The following DMD variants were observed in gnomAD, a reference collection of about 807,000 sequenced individuals.
The protein encoded by DMD is dystrophin, also known as mutant dystrophin.
A neutral mutation model predicts 330.1 loss-of-function variants in DMD; 63 were observed. The observed-to-expected ratio is 0.19, with a 90% confidence interval of 0.16 to 0.24. The LOEUF is 0.24. DMD is among the 10% of genes least tolerant of loss of function. The pLI, the probability that DMD is intolerant of heterozygous loss-of-function variation, is 1.00. For synonymous variants in DMD, 1,223 were observed against 959.8 expected (o/e 1.27, Z -5.07); for missense variants, 3,344 against 2,684.1 (o/e 1.25, Z -5.43).
At chrX:31,386,530 T>C (rs2060455537) in intron 60 of DMD, among the ~76,000 whole-genome samples, 1 of 112,074 alleles carries the variant, frequency 8.9e-6, no homozygotes, top group Non-Finnish European at 1.9e-5. Context: ...TTTAATGCCT[T>C]ACCTCATTTA....
chrX:32,006,500 C>T (rs896965058), intron 44 of DMD, among the ~76,000 whole-genome samples: 2 of 111,384 alleles, frequency 1.8e-5, no homozygotes, highest in Non-Finnish European at 3.8e-5. Context: ...TTTATAGGGC[C>T]TTTTGATTAA....
chrX:31,512,316 T>C (rs1216892279), intron 55 of DMD, among the ~76,000 whole-genome samples: 1 of 107,333 alleles, frequency 9.3e-6, no homozygotes, highest in African/African-American at 3.4e-5. Flanking sequence ...TTTCTTTTGC[T>C]GTGCAGAAGC....
chrX:33,142,208 C>T (rs1046913570), intron 1 of DMD, among the ~76,000 whole-genome samples: 4 of 112,166 alleles, frequency 3.6e-5, no homozygotes, highest in African/African-American at 1.3e-4. Context: ...GTCTCAGCCT[C>T]CCAAGTAGCT....
At chrX:31,556,624 A>T (rs1254369409) in intron 55 of DMD, among the ~76,000 whole-genome samples, 2 of 110,700 alleles carry the variant, frequency 1.8e-5, no homozygotes, top group African/African-American at 3.3e-5. Context: ...GATCAAAGAA[A>T]TGTTGAATTA....
At chrX:32,166,832 A>C (rs1430196007) in intron 44 of DMD, among the ~76,000 whole-genome samples, 1 of 112,236 alleles carries the variant, frequency 8.9e-6, no homozygotes, top group East Asian at 2.8e-4. Context: ...GGAAAAAGAA[A>C]ACTTGCTCCT....
chrX:31,819,962 C>T lies in DMD; in HGVS notation c.7309+13G>A. Reference sequence around the variant, plus strand: ...TAGCTAGAGCCAAAGAGAATGGGATCCAGTATACTTACAGGCTCCAATAGT... The same window carrying T: ...TAGCTAGAGCCAAAGAGAATGGGATTCAGTATACTTACAGGCTCCAATAGT... On this transcript the variant is annotated intron_variant, in intron 50 of 78. Transcript: ENST00000357033. The T allele has an allele frequency of 8.5e-7, 1 of 1,182,933 alleles. No individual in the cohort carries two copies. The highest frequency in any genetic ancestry group is 1.2e-6 in the Non-Finnish European group (1 of 869,046).
At chrX:32,393,430 C>A (rs991988605) in intron 30 of DMD, among the ~76,000 whole-genome samples, 1 of 111,326 alleles carries the variant, frequency 9.0e-6, no homozygotes, top group African/African-American at 3.3e-5. Flanking sequence ...CTATTTTGAT[C>A]ACGAAGATAA....
At chrX:32,032,168 A>G (rs745912882) in intron 44 of DMD, among the ~76,000 whole-genome samples, 1 of 111,694 alleles carries the variant, frequency 9.0e-6, no homozygotes, top group East Asian at 2.8e-4. Context: ...GATTGAAGAT[A>G]TATTTTATTG....
At chrX:32,656,630 T>C (rs572361983) in intron 9 of DMD, among the ~76,000 whole-genome samples, 1 of 112,007 alleles carries the variant, frequency 8.9e-6, no homozygotes, top group East Asian at 2.8e-4. Context: ...CTACTCTGTC[T>C]CTCTAAAACA....
At chrX:31,760,833 G>A (rs1226421181) in intron 51 of DMD, among the ~76,000 whole-genome samples, 5 of 108,347 alleles carry the variant, frequency 4.6e-5, no homozygotes, top group African/African-American at 1.3e-4. Context: ...GGTAAAAAAA[G>A]ATTTACTCTC....
intron 44 of DMD, among the ~76,000 whole-genome samples, chrX:32,068,175 C>T (rs1488310721): frequency 9.0e-6 from 1 of 110,931 alleles, no homozygotes; most frequent in Admixed American, 9.6e-5. Flanking sequence ...CTGTTCATGT[C>T]TTTTGCCCAT....
chrX:32,844,163 G>A (rs1378212219), intron 4 of DMD, among the ~76,000 whole-genome samples: 1 of 111,433 alleles, frequency 9.0e-6, no homozygotes, highest in Non-Finnish European at 1.9e-5. Context: ...TCAGCACTTC[G>A]GGAGGCTGAG....
intron 45 of DMD, among the ~76,000 whole-genome samples, chrX:31,961,519 G>T (rs1477451474): frequency 9.0e-6 from 1 of 111,285 alleles, no homozygotes; most frequent in Non-Finnish European, 1.9e-5. Context: ...ATCTTGCTGG[G>T]GGAAAAGCAT....
chrX:32,063,187 A>AACACACACACACACACACACACAC (rs113943502), intron 44 of DMD, among the ~76,000 whole-genome samples: 3 of 100,774 alleles, frequency 3.0e-5, no homozygotes, highest in Admixed American at 1.1e-4. Flanking sequence ...AAGTATGTCT[A>AACACACACACACACACACACACAC]ACACACACAC....
chrX:32,545,900 T>C (rs228374), intron 16 of DMD, among the ~76,000 whole-genome samples: 20,532 of 109,763 alleles, frequency 0.19, 1,669 homozygotes, highest in East Asian at 0.43. Flanking sequence ...ACATAAAGTA[T>C]GTATTAGTCC....
intron 11 of DMD, among the ~76,000 whole-genome samples, chrX:32,631,754 C>G (rs1248603167): frequency 9.0e-6 from 1 of 111,429 alleles, no homozygotes; most frequent in Non-Finnish European, 1.9e-5. Context: ...ATCATGAAAA[C>G]AGCACTAAGA....
At chrX:32,890,534 A>G (rs1286622022) in intron 2 of DMD, among the ~76,000 whole-genome samples, 1 of 110,904 alleles carries the variant, frequency 9.0e-6, no homozygotes, top group Non-Finnish European at 1.9e-5. Context: ...TACACCTTGG[A>G]GGAAGAATCT....
intron 2 of DMD, among the ~76,000 whole-genome samples, chrX:32,971,713 CTA>C (rs1208746170): frequency 9.1e-6 from 1 of 110,218 alleles, no homozygotes; most frequent in East Asian, 2.8e-4. Context: ...TTATAATTTT[CTA>C]TGTTCTATGT....
At chrX:32,939,827 T>A (rs1380005959) in intron 2 of DMD, among the ~76,000 whole-genome samples, 1 of 110,737 alleles carries the variant, frequency 9.0e-6, no homozygotes, top group East Asian at 2.8e-4. Flanking sequence ...ATAAAAGAGG[T>A]GAATGATCTC....
Sources: gnomAD v4.1 joint callset for allele counts (sites outside exome capture counted in the v4.1 genomes callset) on GRCh38, gnomAD v4.1.1 for gene constraint, MANE v1.5 for transcripts, NCBI Gene and HGNC (gene_info 2026-07-23, HGNC 2026-07-21) for gene names.